The following WDFY4 variants were observed in gnomAD, a reference collection of about 807,000 sequenced individuals.
WDFY4 encodes WD repeat- and FYVE domain-containing protein 4.
Under a neutral mutation model 351.9 loss-of-function variants are expected in WDFY4, and 169 were observed. That is an observed-to-expected ratio of 0.48 (90% CI 0.42 to 0.55). The LOEUF is 0.55. Among genes scored for constraint, WDFY4 ranks in the 20% least tolerant of loss-of-function variants. The pLI is 0.00. For synonymous variants in WDFY4, 1,622 were observed against 1,574.6 expected, an observed-to-expected ratio of 1.03 and a Z score of -0.71; for missense variants, 3,803 against 3,935.6, an observed-to-expected ratio of 0.97 and a Z score of 0.90.
In WDFY4 at chr10:48,787,858, TTTC is replaced by T. The variant is rs1245910444; in HGVS notation, c.3809-663_3809-661del. Among the ~76,000 whole-genome samples the T allele has an allele frequency of 4.5e-5, 3 of 66,072 alleles. 1 individual carries two copies. Among genetic ancestry groups the T allele is most frequent in the African/African-American group, 2.0e-4 (2 of 10,226 alleles). The allele number at this position is 66,072 out of a possible 152,430, so 43.3% of individuals were successfully genotyped here. On this transcript the variant is annotated intron_variant, in intron 20 of 61. Coordinates refer to ENST00000325239, the MANE Select transcript of WDFY4 (RefSeq NM_001394531.1). The stretch of plus-strand genomic sequence containing the variant: ...CTTCTTCTTCTTCTTCTTCTTCTTC[TTTC>T]TTCTTCTTTCTTCTTTCTTTCTTCT...
intron 39 of WDFY4, among the ~76,000 whole-genome samples, chr10:48,856,445 G>A (rs1337467659): frequency 6.6e-6 from 1 of 152,080 alleles, no homozygotes; most frequent in Non-Finnish European, 1.5e-5. Context: ...ACATGTCTAT[G>A]TGAGGCTCAG....
chr10:48,836,691 C>T (rs937467991), intron 39 of WDFY4, among the ~76,000 whole-genome samples: 4 of 152,234 alleles, frequency 2.6e-5, no homozygotes, highest in Non-Finnish European at 4.4e-5. Context: ...TCTTCTCCCC[C>T]TGACCCCATC....
intron 12 of WDFY4, among the ~76,000 whole-genome samples, chr10:48,747,097 A>T (rs1433157139): frequency 6.6e-6 from 1 of 152,076 alleles, no homozygotes; most frequent in Non-Finnish European, 1.5e-5. Flanking sequence ...TTGTCTGAAA[A>T]CTGTCTTTAT....
intron 5 of WDFY4, among the ~76,000 whole-genome samples, chr10:48,724,447 T>G (rs1455656374): frequency 6.6e-6 from 1 of 152,064 alleles, no homozygotes; most frequent in Admixed American, 6.6e-5. Flanking sequence ...GAGCTGCATT[T>G]GTGGAAATGT....
At chr10:48,753,215 T>C (rs1215689587) in intron 12 of WDFY4, among the ~76,000 whole-genome samples, 1 of 152,198 alleles carries the variant, frequency 6.6e-6, no homozygotes, top group Non-Finnish European at 1.5e-5. Context: ...AATTGGGTTG[T>C]TTCTCTTTTT....
At chr10:48,839,650 A>G (rs2068528019) in intron 39 of WDFY4, among the ~76,000 whole-genome samples, 1 of 152,238 alleles carries the variant, frequency 6.6e-6, no homozygotes, top group Non-Finnish European at 1.5e-5. Context: ...ATTAAAAACC[A>G]CAGAAAAGAC....
chr10:48,903,154 A>AG (rs1837446119), intron 47 of WDFY4, among the ~76,000 whole-genome samples: 1 of 152,176 alleles, frequency 6.6e-6, no homozygotes, highest in African/African-American at 2.4e-5. Flanking sequence ...TTGAGTAAAG[A>AG]GTGTGTCAGA....
rs561489860 is a variant in WDFY4, at chr10:48,892,736, T to C, written c.7316+2009T>C. Among the ~76,000 whole-genome samples, 4 of 152,348 alleles carry C rather than the reference T, an allele frequency of 2.6e-5. No individual in the cohort carries two copies. The East Asian group carries it at 5.8e-4, about 22-fold the overall frequency. ...AAAGACTGCTATGGAATTGAGTCAG[T>C]TGCACATTAGACCTTGAAAGAGCCT... On this transcript the variant is annotated intron_variant, in intron 44 of 61. Transcript: ENST00000325239.
rs1589679715 is a variant in WDFY4, at chr10:48,817,305, T to G, written c.5401T>G (p.Phe1801Val). 1.9e-6 allele frequency: 3 copies of G among 1,551,724 alleles called. No homozygotes were observed. The highest frequency in any genetic ancestry group is 2.6e-6 in the Non-Finnish European group (3 of 1,146,996). ...AQTFPASVLQ[F>V]LSLVHRTYPQ... ...GACCTTCCCGGCCAGCGTGCTGCAG[T>G]TCCTCAGCCTCGTCCACCGCACCTA... is the stretch of plus-strand genomic sequence containing the variant. The change falls in exon 32 of 62, where the codon TTC becomes GTC. Residue 1801 changes from phenylalanine to valine, a missense_variant. This residue lies in a region of WDFY4 where 3,054 missense variants were observed against 3,148.6 expected (regional missense o/e 0.97). Coordinates refer to ENST00000325239, the MANE Select transcript of WDFY4 (RefSeq NM_001394531.1).
intron 40 of WDFY4, among the ~76,000 whole-genome samples, chr10:48,870,763 C>T (rs1388170875): frequency 1.3e-5 from 2 of 152,120 alleles, no homozygotes; most frequent in East Asian, 1.9e-4. Flanking sequence ...CATCTGACTT[C>T]CTCTGCCCTG....
intron 56 of WDFY4, among the ~76,000 whole-genome samples, chr10:48,969,887 C>T (rs760517617): frequency 3.3e-5 from 5 of 152,200 alleles, no homozygotes; most frequent in South Asian, 2.1e-4. Flanking sequence ...TAAGCCACCC[C>T]GTGCTGGTGC....
At chr10:48,963,136 C>A (rs1257879257) in intron 53 of WDFY4, among the ~76,000 whole-genome samples, 1 of 152,146 alleles carries the variant, frequency 6.6e-6, no homozygotes, top group African/African-American at 2.4e-5. Flanking sequence ...CATGAGCCTG[C>A]CCTAGAAGTG....
rs1419093427 is a variant in WDFY4, at chr10:48,964,012, C to T, written c.8394C>T (p.Thr2798=). The T allele has an allele frequency of 1.3e-6, 2 of 1,550,142 alleles. No homozygotes were observed. Among genetic ancestry groups the T allele is most frequent in the African/African-American group, 2.7e-5 (2 of 72,958 alleles). ...SSITDPLIKS[T]ILGFVSNFGQ... ...TCACTGACCCCCTCATCAAAAGCAC[C>T]ATCCTGGGGTTTGTCAGCAACTTTG... Residue 2798 remains threonine, a synonymous_variant, in exon 54 of 62, where the codon ACC becomes ACT. Coordinates refer to ENST00000325239, the MANE Select transcript of WDFY4 (RefSeq NM_001394531.1).
At chr10:48,776,658 T>C (rs1281179738) in intron 15 of WDFY4, 92 bp from the exon 16 acceptor site, 2 of 1,262,162 alleles carry the variant, frequency 1.6e-6, no homozygotes, top group Non-Finnish European at 2.1e-6. Context: ...ACTCTCTTTC[T>C]GGGCTGCGGC....
intron 23 of WDFY4, 122 bp downstream of exon 23, chr10:48,791,039 CCGAA>C: frequency 7.9e-7 from 1 of 1,260,298 alleles, no homozygotes; most frequent in Non-Finnish European, 1.1e-6. Flanking sequence ...AGAAGGGCAG[CCGAA>C]AGCCCTTGGG....
At position 48,817,308 on chromosome 10, in the gene WDFY4, C is replaced by T; in HGVS notation, c.5404C>T (p.Leu1802Phe). The T allele has an allele frequency of 6.4e-7, 1 of 1,551,744 alleles. No homozygotes were observed. Among genetic ancestry groups the T allele is most frequent in the East Asian group, 2.4e-5 (1 of 40,916 alleles). The change falls in exon 32 of 62, where the codon CTC (leucine) becomes TTC (phenylalanine). Residue 1802 changes from leucine (L) to phenylalanine (F), a missense_variant. Leu to Phe is a conservative substitution (Grantham distance 22). Around this residue, in one of 3 missense-constraint regions of WDFY4, gnomAD observed 3,054 missense variants for 3,148.6 expected, o/e 0.97. Coordinates refer to ENST00000325239, the MANE Select transcript of WDFY4 (RefSeq NM_001394531.1). ...QTFPASVLQF[L>F]SLVHRTYPQD... ...CTTCCCGGCCAGCGTGCTGCAGTTC[C>T]TCAGCCTCGTCCACCGCACCTACCC... is the stretch of plus-strand genomic sequence containing the variant.
At chr10:48,934,447 T>G (rs377068771) in intron 47 of WDFY4, among the ~76,000 whole-genome samples, 1 of 152,182 alleles carries the variant, frequency 6.6e-6, no homozygotes, top group Non-Finnish European at 1.5e-5. Flanking sequence ...GAGAAACTTG[T>G]GTGGAGTCAC....
At chr10:48,777,078 T>C (rs2066056367) in intron 16 of WDFY4, 94 bp downstream of exon 16, 1 of 1,379,716 alleles carries the variant, frequency 7.2e-7, no homozygotes, top group African/African-American at 1.4e-5. Context: ...GTAGTTCCCA[T>C]TGAATCTCAC....
intron 13 of WDFY4, among the ~76,000 whole-genome samples, chr10:48,773,798 C>T (rs1165180717): frequency 2.6e-5 from 4 of 152,214 alleles, no homozygotes; most frequent in African/African-American, 9.7e-5. Context: ...TTTGAGATGT[C>T]TGTGGTGGGG....
Sources: allele counts gnomAD v4.1 joint callset (sites outside exome capture counted in the v4.1 genomes callset), GRCh38; gene constraint gnomAD v4.1.1; regional missense constraint gnomAD v4.1.1; transcripts MANE v1.5; gene names NCBI Gene and HGNC (gene_info 2026-07-23, HGNC 2026-07-21).